The following ZNF438 variants were observed in gnomAD, a reference collection of about 807,000 sequenced individuals.
The protein encoded by ZNF438 is zinc finger protein 438.
A neutral mutation model predicts 38.0 loss-of-function variants in ZNF438; 25 were observed. The observed-to-expected ratio is 0.66, with a 90% CI of 0.48 to 0.92. The LOEUF (loss-of-function observed/expected upper bound fraction) is 0.92, where lower values mean the gene tolerates loss of function less well. Among genes scored for constraint, ZNF438 ranks in the 40% least tolerant of loss-of-function variants. The pLI, the probability that ZNF438 is intolerant of heterozygous loss-of-function variation, is 0.00. For missense variants in ZNF438, 1,007 were observed against 999.6 expected, an observed-to-expected ratio of 1.01 and a Z score of -0.10; for synonymous variants, 372 against 364.1, an observed-to-expected ratio of 1.02 and a Z score of -0.25.
intron 1 of ZNF438, among the ~76,000 whole-genome samples, chr10:30,997,233 A>G (rs140561528): frequency 1.3e-5 from 2 of 152,338 alleles, no homozygotes; most frequent in Non-Finnish European, 2.9e-5. Flanking sequence ...TGGAAAATCC[A>G]GAAAACAAAG....
intron 2 of ZNF438, among the ~76,000 whole-genome samples, chr10:30,910,081 C>T (rs138893978): frequency 1.3e-3 from 198 of 152,322 alleles, no homozygotes; most frequent in African/African-American, 4.5e-3. Flanking sequence ...AAGCAAGCTC[C>T]TGAAGCTCTC....
At chr10:30,868,548 A>G (rs201620038) in intron 4 of ZNF438, among the ~76,000 whole-genome samples, 1 of 26,484 alleles carries the variant, frequency 3.8e-5, no homozygotes, top group African/African-American at 1.7e-4. Context: ...TTACTCTATT[A>G]AAAAGCATTA....
exon 4 of ZNF438, chr10:30,877,051 T>G: frequency 6.3e-7 from 1 of 1,598,482 alleles, no homozygotes; most frequent in Non-Finnish European, 8.5e-7. Flanking sequence ...GTACTGGACT[T>G]GAATAGTATC....
chr10:30,865,030 A>G (rs11008288), intron 4 of ZNF438, among the ~76,000 whole-genome samples: 58,274 of 152,106 alleles, frequency 0.38, 11,460 homozygotes, highest in Admixed American at 0.41. Context: ...TCTGGCACCA[A>G]AGCTGTTCTC....
chr10:31,022,786 T>C (rs917771032), intron 1 of ZNF438, among the ~76,000 whole-genome samples: 2 of 152,172 alleles, frequency 1.3e-5, no homozygotes, highest in African/African-American at 4.8e-5. Context: ...TCACCTGACC[T>C]CTTGTCAACC....
At chr10:30,874,112 GTGTATATATATA>G (rs2037982851) in intron 4 of ZNF438, among the ~76,000 whole-genome samples, 5 of 36,138 alleles carry the variant, frequency 1.4e-4, no homozygotes, top group East Asian at 7.5e-4. Flanking sequence ...GGGTGTGTGT[GTGTATATATATA>G]TATATATATA....
At chr10:30,862,800 C>T in intron 4 of ZNF438, among the ~76,000 whole-genome samples, 1 of 152,152 alleles carries the variant, frequency 6.6e-6, no homozygotes, top group East Asian at 1.9e-4. Context: ...TTGGTCAAAA[C>T]ACTATGATTA....
chr10:30,945,006 G>A (rs1213220521), intron 1 of ZNF438, among the ~76,000 whole-genome samples: 2 of 144,178 alleles, frequency 1.4e-5, no homozygotes, highest in Non-Finnish European at 3.0e-5. Flanking sequence ...TTGGTTTTGT[G>A]GTTTTGTTGA....
At chr10:30,916,991 C>A (rs1378166780) in intron 2 of ZNF438, among the ~76,000 whole-genome samples, 1 of 151,912 alleles carries the variant, frequency 6.6e-6, no homozygotes, top group African/African-American at 2.4e-5. Flanking sequence ...TTTTTTATTT[C>A]TTGAGGCAAA....
intron 1 of ZNF438, among the ~76,000 whole-genome samples, chr10:30,987,198 C>G (rs750860839): frequency 2.0e-4 from 30 of 151,766 alleles, no homozygotes; most frequent in Non-Finnish European, 4.1e-4. Context: ...CTCACACCTG[C>G]AATCCCAACA....
intron 4 of ZNF438, 113 bp from the exon 6 acceptor site, chr10:30,850,480 C>T: frequency 7.9e-7 from 1 of 1,265,908 alleles, no homozygotes; most frequent in Non-Finnish European, 1.1e-6. Flanking sequence ...TGACCTACCT[C>T]CAAGCCTTCT....
chr10:30,985,883 T>C (rs371454322), intron 1 of ZNF438, among the ~76,000 whole-genome samples: 8 of 152,320 alleles, frequency 5.3e-5, no homozygotes, highest in African/African-American at 1.4e-4. Flanking sequence ...CTTATTAATA[T>C]ATAGTCATCC....
At chr10:30,977,810 C>A (rs1012646704) in intron 1 of ZNF438, among the ~76,000 whole-genome samples, 1 of 151,838 alleles carries the variant, frequency 6.6e-6, no homozygotes, top group African/African-American at 2.4e-5. Context: ...TGGTGAAACC[C>A]CATTTCTACT....
At chr10:30,940,737 T>C (rs2046731211) in intron 2 of ZNF438, among the ~76,000 whole-genome samples, 1 of 152,152 alleles carries the variant, frequency 6.6e-6, no homozygotes, top group Non-Finnish European at 1.5e-5. Flanking sequence ...GAAGAGAGAA[T>C]GAATACAGAA....
At chr10:30,954,469 T>G (rs1435176981) in intron 1 of ZNF438, among the ~76,000 whole-genome samples, 1 of 152,204 alleles carries the variant, frequency 6.6e-6, no homozygotes, top group African/African-American at 2.4e-5. Context: ...ACAGCATGGC[T>G]GTAAAACACC....
chr10:30,892,978 A>G (rs979425782), intron 3 of ZNF438, among the ~76,000 whole-genome samples: 1 of 152,216 alleles, frequency 6.6e-6, no homozygotes, highest in African/African-American at 2.4e-5. Context: ...AGCTACATAC[A>G]GTGTGCACCC....
chr10:30,987,134 C>T (rs778612303), intron 1 of ZNF438, among the ~76,000 whole-genome samples: 29 of 151,766 alleles, frequency 1.9e-4, no homozygotes, highest in African/African-American at 7.3e-5. Context: ...AATTTACAAA[C>T]GTTTATACAC....
chr10:30,973,104 T>C (rs958611184), intron 1 of ZNF438, among the ~76,000 whole-genome samples: 3 of 152,214 alleles, frequency 2.0e-5, no homozygotes, highest in Non-Finnish European at 4.4e-5. Context: ...TTTCCTCCAG[T>C]AGTTAACGCT....
At chr10:30,894,236 G>A (rs2041056297) in intron 3 of ZNF438, among the ~76,000 whole-genome samples, 1 of 152,190 alleles carries the variant, frequency 6.6e-6, no homozygotes, top group African/African-American at 2.4e-5. Context: ...AAAATAAAAA[G>A]GGAAAATATC....
Sources: gnomAD v4.1 joint callset for allele counts (sites outside exome capture counted in the v4.1 genomes callset) on GRCh38, gnomAD v4.1.1 for gene constraint, MANE v1.5 for transcripts, NCBI Gene and HGNC (gene_info 2026-07-23, HGNC 2026-07-21) for gene names.